Variants in IQSEC3 observed in about 807,000 individuals in gnomAD.
IQSEC3 encodes IQ motif and Sec7 domain ArfGEF 3, also known as IQ motif and SEC7 domain-containing protein 3.
Under a neutral mutation model 105.4 loss-of-function variants are expected in IQSEC3, and 50 were observed. That is an observed-to-expected ratio of 0.47 (90% confidence interval 0.38 to 0.60). IQSEC3 has a LOEUF of 0.60. Ranked by LOEUF, IQSEC3 falls within the 20% of genes least tolerant of loss-of-function variation. The pLI, the probability that IQSEC3 is intolerant of heterozygous loss-of-function variation, is 0.00. For missense variants in IQSEC3, 1,415 were observed against 1,630.0 expected (o/e 0.87, Z 2.27); for synonymous variants, 708 against 746.0 (o/e 0.95, Z 0.83).
intron 3 of IQSEC3, among the ~76,000 whole-genome samples, chr12:134,926 A>G (rs552191625): frequency 6.7e-4 from 101 of 151,448 alleles, no homozygotes; most frequent in Non-Finnish European, 1.4e-3. Flanking sequence ...CAGGAGTTCA[A>G]GTCCAGCCTG....
In IQSEC3 at chr12:103,443, G is replaced by T. The variant is rs182046101; in HGVS notation, c.623+4229G>T. Among the ~76,000 whole-genome samples the T allele has an allele frequency of 7.9e-5, 10 of 127,146 alleles. No individual in the cohort carries two copies. In the East Asian group the frequency reaches 2.3e-3, roughly 30 times the overall value. The allele number at this position is 127,146 out of a possible 152,430, so 83.4% of individuals were successfully genotyped here. The stretch of plus-strand genomic sequence containing the variant: ...GATGGAGAAGGTTGGCTCAGGAGGG[G>T]AGGCGGGGCTCAGGCAGGAGAGGCG... On this transcript the variant is annotated intron_variant, in intron 2 of 13. Transcript: ENST00000538872.
At chr12:157,243 T>C (rs1335244710) in intron 6 of IQSEC3, 96 bp downstream of exon 6, 15 of 1,416,528 alleles carry the variant, frequency 1.1e-5, no homozygotes, top group African/African-American at 4.4e-5. Flanking sequence ...ATCAGGAGGG[T>C]TGGACATTGG....
intron 13 of IQSEC3, chr12:171,407 C>A: frequency 1.5e-6 from 2 of 1,293,360 alleles, no homozygotes; most frequent in Non-Finnish European, 1.1e-6. Context: ...CGAGGCCGAG[C>A]TCCCAGACTA....
At chr12:79,074 T>A (rs1863656982) in intron 1 of IQSEC3, among the ~76,000 whole-genome samples, 1 of 152,174 alleles carries the variant, frequency 6.6e-6, no homozygotes, top group Non-Finnish European at 1.5e-5. Context: ...CAGGAGAACA[T>A]ACCTGATCCT....
At position 139,374 on chromosome 12, in the gene IQSEC3, C is replaced by T; in HGVS notation, c.1991+20C>T. 2 of 1,518,276 alleles carry T rather than the reference C, an allele frequency of 1.3e-6. No individual in the cohort carries two copies. Among genetic ancestry groups the T allele is most frequent in the Non-Finnish European group, 1.8e-6 (2 of 1,124,954 alleles). The allele number at this position is 1,518,276 out of a possible 1,614,324, so 94.1% of individuals were successfully genotyped here. A position where few individuals can be genotyped will look rare whatever the true frequency, so the allele number is the denominator to read the frequency against. ...CAACATGTAAGTCAGCCCCGGCCCCCAGCCCGGAGTCCTGGGCGTCCTGGG... is the reference window on the plus strand; with the variant it reads ...CAACATGTAAGTCAGCCCCGGCCCCTAGCCCGGAGTCCTGGGCGTCCTGGG... On this transcript the variant is annotated intron_variant, in intron 4 of 13. Coordinates refer to ENST00000538872, the MANE Select transcript of IQSEC3 (RefSeq NM_001170738.2).
rs1555087018 is a variant in IQSEC3, at chr12:138,244, CCT to C, written c.904-18_904-17del. On this transcript the variant is annotated intron_variant, in intron 3 of 13. Transcript: ENST00000538872. This position sits in a 1 kb window ranked among gnomAD's most constrained non-coding sequence, Gnocchi z 7.1. ...CACCCTTCCCCTCTGAGCCCTTCCT[CCT>C]CTCTGTCCTCGTCCTTGCAGATTGA... 1 of 1,586,202 alleles carries C rather than the reference CCT, an allele frequency of 6.3e-7. No homozygotes were observed.
intron 3 of IQSEC3, among the ~76,000 whole-genome samples, chr12:129,675 C>T (rs558633288): frequency 5.3e-5 from 8 of 152,082 alleles, no homozygotes; most frequent in Non-Finnish European, 8.8e-5. Flanking sequence ...TGTTGCAGAG[C>T]GACTGGAGCC....
chr12:160,765 G>C (rs1241258668), intron 7 of IQSEC3, among the ~76,000 whole-genome samples: 2 of 152,202 alleles, frequency 1.3e-5, no homozygotes, highest in African/African-American at 4.8e-5. Flanking sequence ...TGGTGTTTGA[G>C]TGGCTTCTAA....
chr12:138,717 G>T lies in IQSEC3; in HGVS notation c.1354G>T (p.Glu452Ter). ...CGCGGGGCCCCCAGGCCTGGAGGCCGAGGGGCGGGCGCCGGAGAGCGCGGG... is the reference window on the plus strand; with the variant it reads ...CGCGGGGCCCCCAGGCCTGGAGGCCTAGGGGCGGGCGCCGGAGAGCGCGGG... The part of the protein sequence containing the change: ...AAAGPPGLEA[E>*]GRAPESAGPG... Residue 452 changes from glutamate (E) to a stop codon, truncating the protein, a stop_gained, in exon 4 of 14, where the codon GAG becomes TAG. Transcript: ENST00000538872. LOFTEE classifies it high-confidence loss of function. This position sits in a 1 kb window ranked among gnomAD's most constrained non-coding sequence, Gnocchi z 7.1. 1 of 1,505,400 alleles carries T rather than the reference G, an allele frequency of 6.6e-7. No homozygotes were observed. Among genetic ancestry groups the T allele is most frequent in the Non-Finnish European group, 8.8e-7 (1 of 1,132,842 alleles). The allele number at this position is 1,505,400 out of a possible 1,614,324, so 93.3% of individuals were successfully genotyped here. A position where few individuals can be genotyped will look rare whatever the true frequency, so the allele number is the denominator to read the frequency against.
chr12:140,995 A>C, intron 4 of IQSEC3, 129 bp from the exon 5 acceptor site: 2 of 924,164 alleles, frequency 2.2e-6, no homozygotes, highest in Non-Finnish European at 3.3e-6. Context: ...GGCTCTGGTG[A>C]GAGAAGCTTC....
At chr12:82,334 A>G (rs951195912) in intron 1 of IQSEC3, among the ~76,000 whole-genome samples, 4 of 152,232 alleles carry the variant, frequency 2.6e-5, no homozygotes, top group Non-Finnish European at 5.9e-5. Context: ...GGCAAAATAT[A>G]TGTTTGACAT....
Position 176,761 on chromosome 12 carries a change from CCT to C in IQSEC3, c.*1731_*1732del, listed in dbSNP as rs1489354464. The stretch of plus-strand genomic sequence containing the variant: ...CCCTGTGGCTGCCAGCCCATCTGCC[CCT>C]CTGTGTCCTTGCTGCCCTGGCCCTC... On this transcript the variant is annotated 3_prime_UTR_variant, in exon 14 of 14. Transcript: ENST00000538872. This position sits in a 1 kb window ranked among gnomAD's most constrained non-coding sequence, Gnocchi z 4.0. 1 of 152,376 alleles carries C rather than the reference CCT, an allele frequency of 6.6e-6. No homozygotes were observed. Among genetic ancestry groups the C allele is most frequent in the Non-Finnish European group, 1.5e-5 (1 of 68,120 alleles). The allele number at this position is 152,376 out of a possible 1,614,324, so 9.4% of individuals were successfully genotyped here. A position where few individuals can be genotyped will look rare whatever the true frequency, so the allele number is the denominator to read the frequency against.
chr12:86,361 A>G (rs1863917187), intron 1 of IQSEC3, among the ~76,000 whole-genome samples: 1 of 152,078 alleles, frequency 6.6e-6, no homozygotes, highest in Non-Finnish European at 1.5e-5. Flanking sequence ...CCTTTAGCCT[A>G]TTTCCTAATT....
intron 6 of IQSEC3, 49 bp downstream of exon 6, chr12:157,196 AG>A (rs782780097): frequency 6.8e-7 from 1 of 1,480,104 alleles, no homozygotes; most frequent in Admixed American, 2.4e-5. Context: ...AGCGTGGGGA[AG>A]CCGGGCCGCT....
intron 11 of IQSEC3, chr12:166,174 T>A: frequency 2.4e-6 from 1 of 411,982 alleles, no homozygotes; most frequent in African/African-American, 2.0e-5. Flanking sequence ...GCTCTGCTGT[T>A]TTACCAGGAT....
chr12:99,631 G>A (rs570079700), intron 2 of IQSEC3, among the ~76,000 whole-genome samples: 8 of 152,332 alleles, frequency 5.3e-5, no homozygotes, highest in African/African-American at 1.9e-4. Context: ...TTTTCTTTCT[G>A]GTTTCTCTTC....
At chr12:107,503 G>C (rs1012926519) in intron 2 of IQSEC3, among the ~76,000 whole-genome samples, 2 of 132,422 alleles carry the variant, frequency 1.5e-5, no homozygotes, top group Non-Finnish European at 3.1e-5. Context: ...TCCGCCTCCC[G>C]GGTTCACGCC....
chr12:107,402 CTTTTT>C (rs58053657), intron 2 of IQSEC3, among the ~76,000 whole-genome samples: 2 of 75,984 alleles, frequency 2.6e-5, no homozygotes, highest in East Asian at 4.3e-4. Flanking sequence ...AGTCTGTTTT[CTTTTT>C]TTTTTTTTTT....
intron 1 of IQSEC3, among the ~76,000 whole-genome samples, chr12:90,638 G>A (rs1028624922): frequency 1.7e-4 from 26 of 152,234 alleles, no homozygotes; most frequent in Admixed American, 2.6e-4. Context: ...TATGATATAT[G>A]TATGGATCTA....
Sources: gnomAD v4.1 joint callset for allele counts (sites outside exome capture counted in the v4.1 genomes callset) on GRCh38, gnomAD v4.1.1 for gene constraint, Gnocchi (gnomAD v3.1) non-coding constraint, MANE v1.5 for transcripts, NCBI Gene and HGNC (gene_info 2026-07-23, HGNC 2026-07-21) for gene names.